Variants in TAOK1 observed in about 807,000 individuals in gnomAD.
TAOK1 encodes the protein TAO kinase 1, also known as serine/threonine-protein kinase TAO1.
Under a neutral mutation model 138.3 loss-of-function variants are expected in TAOK1, and 21 were observed. That is an observed-to-expected ratio of 0.15 (90% CI 0.11 to 0.22). The LOEUF is 0.22. TAOK1 is among the 10% of genes least tolerant of loss of function. TAOK1 has a pLI of 1.00. For synonymous variants in TAOK1, 361 were observed against 398.4 expected, an observed-to-expected ratio of 0.91 and a Z score of 1.12; for missense variants, 651 against 1,227.7, an observed-to-expected ratio of 0.53 and a Z score of 7.02.
At chr17:29,536,333 C>T (rs1216884037) in intron 19 of TAOK1, among the ~76,000 whole-genome samples, 1 of 148,596 alleles carries the variant, frequency 6.7e-6, no homozygotes, top group Non-Finnish European at 1.5e-5. Flanking sequence ...CATGGTGGCT[C>T]ACACCTGTAA....
intron 1 of TAOK1, among the ~76,000 whole-genome samples, chr17:29,398,452 TG>T (rs1291705104): frequency 4.0e-5 from 6 of 151,890 alleles, no homozygotes; most frequent in Admixed American, 2.0e-4. Flanking sequence ...GGTGATCGCC[TG>T]CCTTGGCCTC....
In TAOK1 at chr17:29,549,160, G is replaced by T. The variant is rs1042089024; in HGVS notation, c.*6138G>T. The T allele has an allele frequency of 2.6e-5, 4 of 152,238 alleles. No individual in the cohort carries two copies. The highest frequency in any genetic ancestry group is 9.6e-5 in the African/African-American group (4 of 41,554). 9.4% of individuals were successfully genotyped at this position (152,238 alleles called of 1,614,324 possible). ...GAACTATGCTTATTGCTGGCACATT[G>T]ATCCCATTTCTGGAACATTTTTCCT... On this transcript the variant is annotated 3_prime_UTR_variant, in exon 20 of 20. Transcript: ENST00000261716.
intron 19 of TAOK1, among the ~76,000 whole-genome samples, chr17:29,535,492 A>G (rs2032206535): frequency 6.6e-6 from 1 of 152,170 alleles, no homozygotes; most frequent in Non-Finnish European, 1.5e-5. Context: ...TCTGGACCAT[A>G]GGCCTGTAGA....
rs367720840 is a variant in TAOK1, at chr17:29,502,570, C to CT, written c.1204-6dup. 0.042 allele frequency: 48,551 copies of CT among 1,158,628 alleles called. No individual in the cohort carries two copies. Among genetic ancestry groups the CT allele is most frequent in the South Asian group, 0.048 (3,249 of 67,562 alleles). The allele number at this position is 1,158,628 out of a possible 1,614,324, so 71.8% of individuals were successfully genotyped here. On this transcript the variant is annotated intron_variant, in intron 12 of 19. Transcript: ENST00000261716. ...AACTGTTCACCTTACATAATATTGT[C>CT]TTTTTTTTTTTTTCCTAGGAGGAAG...
At chr17:29,542,535 T>C in intron 19 of TAOK1, 26 bp from the exon 20 acceptor site, 3 of 1,533,290 alleles carry the variant, frequency 2.0e-6, no homozygotes, top group East Asian at 2.3e-5. Flanking sequence ...TAAATTGGCT[T>C]TCATTTTTCT....
rs538388571 is a variant in TAOK1, at chr17:29,393,779, G to GT, written c.-95+2758dup. On this transcript the variant is annotated intron_variant, in intron 1 of 19. Coordinates refer to ENST00000261716, the MANE Select transcript of TAOK1 (RefSeq NM_020791.4). ...CAGCTGGATTTAAAGGCTTTTAATA[G>GT]TTTAAGATTATCTTGACAGTAACAA... 5.8e-4 allele frequency among the ~76,000 whole-genome samples: 89 copies of GT among 152,244 alleles called. 1 individual carries two copies. In the South Asian group the frequency reaches 0.018, roughly 30 times the overall value.
At chr17:29,481,545 C>G (rs545797843) in intron 7 of TAOK1, among the ~76,000 whole-genome samples, 1 of 151,890 alleles carries the variant, frequency 6.6e-6, no homozygotes, top group Non-Finnish European at 1.5e-5. Flanking sequence ...GAACCACTGG[C>G]CTAAAGTATA....
At position 29,480,521 on chromosome 17, in the gene TAOK1, C is replaced by T. The variant is rs562380732; in HGVS notation, c.563+40C>T. 163 of 1,505,876 alleles carry T rather than the reference C, an allele frequency of 1.1e-4. 1 individual carries two copies. The South Asian group carries it at 1.7e-3, about 15-fold the overall frequency. The allele number at this position is 1,505,876 out of a possible 1,614,324, so 93.3% of individuals were successfully genotyped here. The stretch of plus-strand genomic sequence containing the variant: ...AGCAGTCAGCAGCTGTTTTAAGTGT[C>T]TGTCTATGTTTAACATGAAATACAA... On this transcript the variant is annotated intron_variant, in intron 7 of 19. Transcript: ENST00000261716.
chr17:29,467,712 T>C (rs11651139), intron 3 of TAOK1, among the ~76,000 whole-genome samples: 1,822 of 152,274 alleles, frequency 0.012, 25 homozygotes, highest in Non-Finnish European at 0.015. Context: ...CACAAACCGA[T>C]GTACCCATTT....
At chr17:29,432,878 G>A (rs1274051907) in intron 1 of TAOK1, among the ~76,000 whole-genome samples, 1 of 151,938 alleles carries the variant, frequency 6.6e-6, no homozygotes, top group African/African-American at 2.4e-5. Flanking sequence ...TTCTGCCTTA[G>A]CCTCCTGAGT....
chr17:29,402,763 G>A (rs1215938351), intron 1 of TAOK1, among the ~76,000 whole-genome samples: 4 of 152,098 alleles, frequency 2.6e-5, no homozygotes, highest in African/African-American at 4.8e-5. Flanking sequence ...CAGGCCAGAC[G>A]TGATGGGTCA....
At chr17:29,492,455 T>C (rs528318027) in intron 10 of TAOK1, among the ~76,000 whole-genome samples, 66 of 152,228 alleles carry the variant, frequency 4.3e-4, no homozygotes, top group Non-Finnish European at 8.2e-4. Flanking sequence ...TCATGAGTTA[T>C]AAATTTTAAT....
At position 29,523,397 on chromosome 17, in the gene TAOK1, T is replaced by TCTCAAAAC. The variant is rs1203706620; in HGVS notation, c.2148+878_2148+879insCTCAAAAC. Among the ~76,000 whole-genome samples, 4 of 152,288 alleles carry TCTCAAAAC rather than the reference T, an allele frequency of 2.6e-5. No homozygotes were observed. In the South Asian group the frequency reaches 8.3e-4, roughly 32 times the overall value. ...CAATTCTGAAGTTTTTGTTTGTTTG[T>TCTCAAAAC]TTGTTTTTGAGACAGAGTCTCGCTC... is the stretch of plus-strand genomic sequence containing the variant. On this transcript the variant is annotated intron_variant, in intron 17 of 19. Coordinates refer to ENST00000261716, the MANE Select transcript of TAOK1 (RefSeq NM_020791.4).
At chr17:29,393,650 T>C (rs1904499994) in intron 1 of TAOK1, among the ~76,000 whole-genome samples, 1 of 152,228 alleles carries the variant, frequency 6.6e-6, no homozygotes, top group Admixed American at 6.6e-5. Context: ...ACTGGCTCTT[T>C]CACTGGATTC....
intron 4 of TAOK1, among the ~76,000 whole-genome samples, chr17:29,476,838 T>A (rs777253868): frequency 1.4e-4 from 21 of 151,876 alleles, no homozygotes; most frequent in Non-Finnish European, 2.8e-4. Flanking sequence ...TGTCATTTTT[T>A]AAAATTTTAT....
In TAOK1 at chr17:29,498,449, C is replaced by T. The variant is rs2031454169; in HGVS notation, c.1131C>T (p.Asp377=). Residue 377 remains aspartate (D), a synonymous_variant, in exon 12 of 20, where the codon GAC becomes GAT. Coordinates refer to ENST00000261716, the MANE Select transcript of TAOK1 (RefSeq NM_020791.4). ...ACAGTCTTCCAGATGTCTCAGATGA[C>T]AAGAGTGAGCTAGACATGATGGAGG... The part of the protein sequence containing the change: ...SVNSLPDVSD[D]KSELDMMEGD... 6.2e-7 allele frequency: 1 copy of T among 1,614,120 alleles called. No individual in the cohort carries two copies.
At position 29,468,134 on chromosome 17, in the gene TAOK1, A is replaced by ATTTTTTTTTTTTTT. The variant is rs2030720265; in HGVS notation, c.204+918_204+919insTTTTTTTTTTTTTT. 1.2e-4 allele frequency among the ~76,000 whole-genome samples: 6 copies of ATTTTTTTTTTTTTT among 48,806 alleles called. No homozygotes were observed. The South Asian group carries it at 4.4e-3, about 36-fold the overall frequency. 32.0% of individuals were successfully genotyped at this position (48,806 alleles called of 152,430 possible). A position where few individuals can be genotyped will look rare whatever the true frequency, so the allele number is the denominator to read the frequency against. On this transcript the variant is annotated intron_variant, in intron 3 of 19. Transcript: ENST00000261716. ...GAACCACTGTGCTTGGCCTGCTTTC[A>ATTTTTTTTTTTTTT]ATTTTTTTTTTTTTTTTTAGGAGCT...
At chr17:29,442,088 G>A (rs1435251502) in intron 1 of TAOK1, among the ~76,000 whole-genome samples, 3 of 151,446 alleles carry the variant, frequency 2.0e-5, no homozygotes, top group Middle Eastern at 3.2e-3. Context: ...GGTCATCCAG[G>A]TTGGAATGCA....
At chr17:29,418,271 ACT>A (rs1290088248) in intron 1 of TAOK1, among the ~76,000 whole-genome samples, 2 of 151,774 alleles carry the variant, frequency 1.3e-5, no homozygotes, top group Non-Finnish European at 2.9e-5. Context: ...GAAACCTCAG[ACT>A]CCTGGGCTCA....
Sources: gnomAD v4.1 joint callset for allele counts (sites outside exome capture counted in the v4.1 genomes callset) on GRCh38, gnomAD v4.1.1 for gene constraint, MANE v1.5 for transcripts, NCBI Gene and HGNC (gene_info 2026-07-23, HGNC 2026-07-21) for gene names.